CDK14: variants seen among roughly 807,000 people sequenced by gnomAD.
The protein encoded by CDK14 is cyclin-dependent kinase 14.
A neutral mutation model predicts 60.7 loss-of-function variants in CDK14; 34 were observed. That is an observed-to-expected ratio of 0.56 (90% CI 0.43 to 0.75). The LOEUF (loss-of-function observed/expected upper bound fraction) is 0.75, where lower values mean the gene tolerates loss of function less well. Among genes scored for constraint, CDK14 ranks in the 30% least tolerant of loss-of-function variants. The pLI, the probability that CDK14 is intolerant of heterozygous loss-of-function variation, is 0.00. For missense variants in CDK14, 482 were observed against 564.1 expected, an observed-to-expected ratio of 0.85 and a Z score of 1.47; for synonymous variants, 197 against 203.7, an observed-to-expected ratio of 0.97 and a Z score of 0.28.
intron 2 of CDK14, among the ~76,000 whole-genome samples, chr7:90,683,720 G>A (rs1013360890): frequency 6.6e-6 from 1 of 152,208 alleles, no homozygotes; most frequent in Non-Finnish European, 1.5e-5. Flanking sequence ...AGGATTGCTT[G>A]AATTTGGGAG....
chr7:91,209,584 G>C lies in CDK14; in HGVS notation c.*2448G>C, dbSNP rs1023416793. The C allele has an allele frequency of 6.6e-6, 1 of 152,582 alleles. No homozygotes were observed. The highest frequency in any genetic ancestry group is 6.5e-5 in the Admixed American group (1 of 15,280). 9.5% of individuals were successfully genotyped at this position (152,582 alleles called of 1,614,324 possible). On this transcript the variant is annotated 3_prime_UTR_variant, in exon 15 of 15. Transcript: ENST00000380050. Reference sequence around the variant, plus strand: ...GCAGATTTATTATTCTATTGAGAAAGCACTGGAATGTTTTGTGAGATTATT... The same window carrying C: ...GCAGATTTATTATTCTATTGAGAAACCACTGGAATGTTTTGTGAGATTATT...
chr7:91,098,619 A>C (rs1341205506), intron 12 of CDK14, among the ~76,000 whole-genome samples: 3 of 152,094 alleles, frequency 2.0e-5, no homozygotes, highest in African/African-American at 7.2e-5. Context: ...CTTTAAGAAA[A>C]GTTCCTTTTT....
intron 10 of CDK14, among the ~76,000 whole-genome samples, chr7:91,043,851 CA>C (rs1168982799): frequency 6.6e-6 from 1 of 152,120 alleles, no homozygotes; most frequent in Admixed American, 6.5e-5. Flanking sequence ...CCTGATTCAC[CA>C]GAGTAGGAAG....
intron 5 of CDK14, among the ~76,000 whole-genome samples, chr7:90,812,713 T>C (rs552816634): frequency 6.6e-6 from 1 of 152,296 alleles, no homozygotes; most frequent in African/African-American, 2.4e-5. Context: ...AAAACCACAG[T>C]GAGCTATTAC....
intron 12 of CDK14, among the ~76,000 whole-genome samples, chr7:91,097,077 T>G (rs773443218): frequency 2.6e-5 from 4 of 152,132 alleles, no homozygotes; most frequent in Non-Finnish European, 5.9e-5. Context: ...AAAGGAAATT[T>G]TATTATATAA....
At chr7:90,676,526 CATTTTTT>C (rs1801200361) in intron 2 of CDK14, among the ~76,000 whole-genome samples, 1 of 65,022 alleles carries the variant, frequency 1.5e-5, no homozygotes, top group South Asian at 6.5e-4. Context: ...TTAGATGTTT[CATTTTTT>C]TTTTTTTTTT....
At chr7:91,092,516 T>C (rs759117530) in intron 12 of CDK14, among the ~76,000 whole-genome samples, 1 of 152,208 alleles carries the variant, frequency 6.6e-6, no homozygotes, top group Non-Finnish European at 1.5e-5. Flanking sequence ...ACAAAGCAAG[T>C]TCCCTGCCAT....
intron 2 of CDK14, among the ~76,000 whole-genome samples, chr7:90,649,495 T>C (rs560177281): frequency 6.1e-4 from 91 of 149,136 alleles, no homozygotes; most frequent in African/African-American, 2.2e-3. Context: ...AGTTCTAGGG[T>C]ACGTGTGCAC....
intron 14 of CDK14, among the ~76,000 whole-genome samples, chr7:91,132,037 T>A (rs1800134623): frequency 6.9e-6 from 1 of 145,612 alleles, no homozygotes; most frequent in Non-Finnish European, 1.5e-5. Context: ...TAGCAACCAC[T>A]ATATTGGTGC....
At chr7:90,620,665 C>T (rs1377860178) in intron 2 of CDK14, among the ~76,000 whole-genome samples, 2 of 152,078 alleles carry the variant, frequency 1.3e-5, no homozygotes, top group East Asian at 1.9e-4. Context: ...CAGGCACCAC[C>T]GTTTCATAGA....
intron 11 of CDK14, among the ~76,000 whole-genome samples, chr7:91,068,217 A>G (rs1798034433): frequency 1.3e-5 from 2 of 152,230 alleles, no homozygotes; most frequent in African/African-American, 4.8e-5. Context: ...CTCAGAAATT[A>G]GACATTCCTT....
intron 10 of CDK14, among the ~76,000 whole-genome samples, chr7:91,022,641 C>T (rs1469919716): frequency 1.3e-5 from 2 of 152,192 alleles, no homozygotes; most frequent in Non-Finnish European, 2.9e-5. Flanking sequence ...GTTAAGGCTA[C>T]AGGAGATCTC....
intron 14 of CDK14, among the ~76,000 whole-genome samples, chr7:91,205,548 A>C (rs1399114703): frequency 7.2e-5 from 11 of 152,192 alleles, no homozygotes; most frequent in African/African-American, 2.4e-5. Flanking sequence ...AGAGAATGGG[A>C]GTGACTGCTT....
intron 8 of CDK14, 43 bp from the exon 9 acceptor site, chr7:90,955,654 G>A (rs1298048730): frequency 3.1e-6 from 5 of 1,608,656 alleles, no homozygotes; most frequent in Non-Finnish European, 4.2e-6. Flanking sequence ...CCCTTGTTTT[G>A]CTAATGCCTG....
chr7:91,162,770 A>G (rs1230918566), intron 14 of CDK14, among the ~76,000 whole-genome samples: 1 of 152,230 alleles, frequency 6.6e-6, no homozygotes, highest in Admixed American at 6.5e-5. Flanking sequence ...ATACATATAA[A>G]GTATGTAGAG....
At chr7:91,103,933 A>C (rs955710148) in intron 12 of CDK14, among the ~76,000 whole-genome samples, 10 of 152,168 alleles carry the variant, frequency 6.6e-5, no homozygotes, top group Admixed American at 6.5e-4. Flanking sequence ...AGAGCAGCAT[A>C]CTGTTATTTT....
intron 2 of CDK14, among the ~76,000 whole-genome samples, chr7:90,682,864 C>T (rs1801349272): frequency 6.6e-6 from 1 of 152,066 alleles, no homozygotes; most frequent in South Asian, 2.1e-4. Flanking sequence ...AATGTTTCCT[C>T]TTGTTTAGTT....
intron 5 of CDK14, among the ~76,000 whole-genome samples, chr7:90,803,283 C>T (rs1233472590): frequency 6.6e-6 from 1 of 152,076 alleles, no homozygotes; most frequent in African/African-American, 2.4e-5. Flanking sequence ...CAACCTTCAA[C>T]ATGCAGATTT....
chr7:90,983,520 ATAC>A (rs1795292187), intron 9 of CDK14, among the ~76,000 whole-genome samples: 1 of 152,056 alleles, frequency 6.6e-6, no homozygotes, highest in African/African-American at 2.4e-5. Context: ...TCTACTAAAA[ATAC>A]AAAAAAATTA....
Sources: allele counts gnomAD v4.1 joint callset (sites outside exome capture counted in the v4.1 genomes callset), GRCh38; gene constraint gnomAD v4.1.1; transcripts MANE v1.5; gene names NCBI Gene and HGNC (gene_info 2026-07-23, HGNC 2026-07-21).